The following FRRS1 variants were observed in gnomAD, a reference collection of about 807,000 sequenced individuals.
FRRS1 encodes the protein ferric chelate reductase 1.
FRRS1 carries 51 observed loss-of-function variants against 70.7 expected under a neutral mutation model. That is an observed-to-expected ratio of 0.72 (90% CI 0.58 to 0.91). FRRS1 has a LOEUF of 0.91. Ranked by LOEUF, FRRS1 falls within the 40% of genes least tolerant of loss-of-function variation. The pLI, the probability that FRRS1 is intolerant of heterozygous loss-of-function variation, is 0.00. For synonymous variants in FRRS1, 225 were observed against 238.7 expected (o/e 0.94, Z 0.53); for missense variants, 672 against 726.0 (o/e 0.93, Z 0.86).
rs1656433936 is a variant in FRRS1 at position 99,748,974 on chromosome 1, C to A, written c.-78G>T. The A allele has an allele frequency of 4.4e-6, 2 of 452,464 alleles. No individual in the cohort carries two copies. Among genetic ancestry groups the A allele is most frequent in the African/African-American group, 2.0e-5 (1 of 49,996 alleles). 28.0% of individuals were successfully genotyped at this position (452,464 alleles called of 1,614,324 possible). A position where few individuals can be genotyped will look rare whatever the true frequency, so the allele number is the denominator to read the frequency against. ...CTACAAATTACTGTGAGACTTTGGG[C>A]AAATCATTTAATCCTCCACTTCCTT... On this transcript the variant is annotated 5_prime_UTR_variant, in exon 2 of 17. Coordinates refer to ENST00000646001, the MANE Select transcript of FRRS1 (RefSeq NM_001361041.2).
intron 9 of FRRS1, among the ~76,000 whole-genome samples, chr1:99,720,796 A>G (rs1340187533): frequency 1.3e-5 from 2 of 151,588 alleles, no homozygotes; most frequent in Non-Finnish European, 2.9e-5. Context: ...TCAAGGTACT[A>G]TTCAAAAAAA....
chr1:99,740,217 A>G (rs1181801274), intron 6 of FRRS1, among the ~76,000 whole-genome samples: 2 of 144,306 alleles, frequency 1.4e-5, no homozygotes, highest in African/African-American at 2.5e-5. Flanking sequence ...TTTAAAAGAA[A>G]GAAAAAAAAA....
chr1:99,712,390 A>C, intron 13 of FRRS1, 28 bp downstream of exon 13: 1 of 1,415,786 alleles, frequency 7.1e-7, no homozygotes, highest in Non-Finnish European at 9.8e-7. Flanking sequence ...ACATTAAGAG[A>C]GCATTTATAT....
chr1:99,745,940 G>A (rs974486774), intron 4 of FRRS1, among the ~76,000 whole-genome samples: 17 of 152,046 alleles, frequency 1.1e-4, no homozygotes, highest in African/African-American at 2.4e-4. Context: ...TGTCTGCTCC[G>A]GCTTCAGCTT....
intron 1 of FRRS1, among the ~76,000 whole-genome samples, chr1:99,751,955 T>C (rs1656588897): frequency 6.6e-6 from 1 of 152,226 alleles, no homozygotes; most frequent in Non-Finnish European, 1.5e-5. Context: ...CGTATGCTTC[T>C]ATATCAGCAA....
chr1:99,736,331 G>A (rs1655654205), intron 7 of FRRS1, among the ~76,000 whole-genome samples: 1 of 152,158 alleles, frequency 6.6e-6, no homozygotes, highest in Admixed American at 6.5e-5. Flanking sequence ...GAAGGGGAAG[G>A]ATTCATTATT....
chr1:99,751,766 A>G (rs1470295489), intron 1 of FRRS1, among the ~76,000 whole-genome samples: 1 of 152,192 alleles, frequency 6.6e-6, no homozygotes, highest in African/African-American at 2.4e-5. Context: ...GAAATTCCTA[A>G]GAGAAAAGAA....
At chr1:99,713,495 G>C (rs781573725) in intron 12 of FRRS1, among the ~76,000 whole-genome samples, 2 of 152,098 alleles carry the variant, frequency 1.3e-5, no homozygotes, top group Non-Finnish European at 2.9e-5. Context: ...TACCTAAAAG[G>C]CAGGAGGGAG....
In FRRS1 at chr1:99,722,459, T is replaced by C. The variant is rs1654883107; in HGVS notation, c.1007-2812A>G. ...CGTAAACCAAAATCACTTATGAATA[T>C]AGATGTAAAAAGCTTAAAGAAAATA... On this transcript the variant is annotated intron_variant, in intron 9 of 16. Coordinates refer to ENST00000646001, the MANE Select transcript of FRRS1 (RefSeq NM_001361041.2). Among the ~76,000 whole-genome samples, 4 of 152,176 alleles carry C rather than the reference T, an allele frequency of 2.6e-5. No homozygotes were observed. The South Asian group carries it at 8.3e-4, about 32-fold the overall frequency.
At position 99,717,523 on chromosome 1, in the gene FRRS1, C is replaced by T; in HGVS notation, c.1123G>A (p.Ala375Thr). ...HSVLLLKVHG[A>T]LMFVAWMTTV... Reference sequence around the variant, plus strand: ...GTCATCCATGCCACAAACATTAAGGCACCTACAAGTGAGATAAATGCAATA... The same window carrying T: ...GTCATCCATGCCACAAACATTAAGGTACCTACAAGTGAGATAAATGCAATA... The change falls in exon 11 of 17, where the codon GCC becomes ACC. Residue 375 changes from alanine (A) to threonine (T), a missense_variant and splice_region_variant. By Grantham distance (58) the Ala-to-Thr change is moderately conservative. Transcript: ENST00000646001. 6 of 1,601,952 alleles carry T rather than the reference C, an allele frequency of 3.7e-6. No homozygotes were observed. Among genetic ancestry groups the T allele is most frequent in the Non-Finnish European group, 5.1e-6 (6 of 1,168,992 alleles).
At chr1:99,709,386 T>A in intron 15 of FRRS1, 127 bp from the exon 16 acceptor site, 1 of 654,112 alleles carries the variant, frequency 1.5e-6, no homozygotes, top group Non-Finnish European at 2.7e-6. Flanking sequence ...TCCAAACTAC[T>A]AATTATTGCA....
At chr1:99,724,422 T>C (rs892665374) in intron 9 of FRRS1, among the ~76,000 whole-genome samples, 3 of 152,234 alleles carry the variant, frequency 2.0e-5, no homozygotes, top group Non-Finnish European at 4.4e-5. Flanking sequence ...TTCACATGAC[T>C]GCTTATCCCA....
chr1:99,750,176 T>C (rs1426564722), intron 1 of FRRS1, among the ~76,000 whole-genome samples: 1 of 152,126 alleles, frequency 6.6e-6, no homozygotes, highest in Non-Finnish European at 1.5e-5. Context: ...GGAAGAACCT[T>C]GAAGCGGTTG....
intron 12 of FRRS1, among the ~76,000 whole-genome samples, 154 bp downstream of exon 12, chr1:99,715,432 C>T (rs530775598): frequency 1.7e-4 from 26 of 152,270 alleles, no homozygotes; most frequent in African/African-American, 5.8e-4. Flanking sequence ...ACCCCAACCT[C>T]CAACCATGTG....
chr1:99,760,514 G>GA (rs1657063494), intron 1 of FRRS1, among the ~76,000 whole-genome samples: 1 of 152,036 alleles, frequency 6.6e-6, no homozygotes, highest in South Asian at 2.1e-4. Context: ...AGGAAGTGAA[G>GA]AAAAAAATGA....
intron 1 of FRRS1, among the ~76,000 whole-genome samples, chr1:99,757,076 G>A (rs904396410): frequency 6.9e-6 from 1 of 145,010 alleles, no homozygotes; most frequent in African/African-American, 2.8e-5. Flanking sequence ...TTGGAAAAGG[G>A]TCTCTTTTTT....
chr1:99,722,210 T>C (rs1654868178), intron 9 of FRRS1, among the ~76,000 whole-genome samples: 1 of 152,058 alleles, frequency 6.6e-6, no homozygotes, highest in African/African-American at 2.4e-5. Flanking sequence ...GGTTTCATCA[T>C]GTTGCCCAGG....
chr1:99,725,728 T>C (rs189099682), intron 9 of FRRS1, among the ~76,000 whole-genome samples: 106 of 152,330 alleles, frequency 7.0e-4, no homozygotes, highest in African/African-American at 2.4e-3. Flanking sequence ...TAGGTGTTTC[T>C]GAGGGAGTGT....
Position 99,762,711 on chromosome 1 carries a change from A to C in FRRS1, c.-106+3896T>G, listed in dbSNP as rs141807542. On this transcript the variant is annotated intron_variant, in intron 1 of 16. Coordinates refer to ENST00000646001, the MANE Select transcript of FRRS1 (RefSeq NM_001361041.2). ...CTAGTTTTTGAACCTCACTTTCCTA[A>C]TCTGATGGTGGTCTGTCAACACATT... Among the ~76,000 whole-genome samples, 29 of 152,248 alleles carry C rather than the reference A, an allele frequency of 1.9e-4. No individual in the cohort carries two copies. The East Asian group carries it at 5.4e-3, about 28-fold the overall frequency.
Sources: gnomAD v4.1 joint callset for allele counts (sites outside exome capture counted in the v4.1 genomes callset) on GRCh38, gnomAD v4.1.1 for gene constraint, MANE v1.5 for transcripts, NCBI Gene and HGNC (gene_info 2026-07-23, HGNC 2026-07-21) for gene names.